The following CD82 variants were observed in gnomAD, a reference collection of about 807,000 sequenced individuals.
CD82 encodes CD82 antigen.
In CD82, 36 loss-of-function variants were observed where a neutral mutation model predicts 37.4. The ratio of observed to expected loss-of-function variants is 0.96; its 90% confidence interval spans 0.74 to 1.27. CD82 has a LOEUF of 1.27. Ranked by LOEUF, CD82 falls within the 50% of genes most tolerant of loss-of-function variation. The probability of loss-of-function intolerance (pLI) is 0.00; values close to 1 mark genes in which losing one functional copy is unlikely to be tolerated. For synonymous variants in CD82, 158 were observed against 137.4 expected, an observed-to-expected ratio of 1.15 and a Z score of -1.05; for missense variants, 340 against 347.0, an observed-to-expected ratio of 0.98 and a Z score of 0.16.
chr11:44,603,517 C>T (rs1387384617), intron 4 of CD82, among the ~76,000 whole-genome samples: 1 of 152,184 alleles, frequency 6.6e-6, no homozygotes, highest in African/African-American at 2.4e-5. Context: ...ATTAAAAACG[C>T]AGGTCCTTGG....
At chr11:44,575,550 A>G (rs1169780730) in intron 1 of CD82, among the ~76,000 whole-genome samples, 2 of 152,182 alleles carry the variant, frequency 1.3e-5, no homozygotes, top group African/African-American at 4.8e-5. Flanking sequence ...GTACTGCCTG[A>G]GAATGTGCAT....
chr11:44,607,868 A>T (rs909413005), intron 6 of CD82: 3 of 152,176 alleles, frequency 2.0e-5, no homozygotes, highest in African/African-American at 7.2e-5. Flanking sequence ...GCTTAGCCTC[A>T]GAGGTGTCCT....
At chr11:44,572,501 T>G (rs1349454283) in intron 1 of CD82, among the ~76,000 whole-genome samples, 1 of 152,204 alleles carries the variant, frequency 6.6e-6, no homozygotes, top group Non-Finnish European at 1.5e-5. Flanking sequence ...TCATATTTTT[T>G]TCGAAGGAGG....
intron 7 of CD82, among the ~76,000 whole-genome samples, chr11:44,616,398 AT>A (rs1853564859): frequency 6.6e-6 from 1 of 152,146 alleles, no homozygotes; most frequent in African/African-American, 2.4e-5. Context: ...GACTTTGCTA[AT>A]TTTAGCAAAG....
At chr11:44,604,879 GA>G in intron 4 of CD82, 178 bp from the exon 5 acceptor site, 1 of 745,944 alleles carries the variant, frequency 1.3e-6, no homozygotes, top group Non-Finnish European at 2.3e-6. Flanking sequence ...CTGGGGGAGG[GA>G]CACAAGTGGG....
rs2134661783 is a variant in CD82 at position 44,597,600 on chromosome 11, G to A, written c.64-2558G>A. ...CTCTGGGTTCCTCTTGGCAAGCTGA[G>A]GAGCCAGCTGAGTAGTGTGGGGTTT... On this transcript the variant is annotated intron_variant, in intron 3 of 9. Transcript: ENST00000227155. The surrounding 1 kb of genome is among the most constrained non-coding windows in gnomAD (Gnocchi z 4.1). Among the ~76,000 whole-genome samples, 1 of 152,376 alleles carries A rather than the reference G, an allele frequency of 6.6e-6. No individual in the cohort carries two copies. Among genetic ancestry groups the A allele is most frequent in the East Asian group, 1.9e-4 (1 of 5,188 alleles).
In CD82 at chr11:44,618,600, G is replaced by C. The variant is rs776308413; in HGVS notation, c.643-40G>C. On this transcript the variant is annotated intron_variant, in intron 8 of 9. Transcript: ENST00000227155. ...TGGTTCTGCATGGCGGGGTGGGATG[G>C]TGCAGAGCGGGGTGATGTGACCGCA... 2.0e-6 allele frequency: 3 copies of C among 1,536,724 alleles called. No homozygotes were observed. The South Asian group carries it at 3.4e-5, about 17-fold the overall frequency.
At position 44,605,095 on chromosome 11, in the gene CD82, C is replaced by T. The variant is rs2134673723; in HGVS notation, c.174C>T (p.Val58=). The change falls in exon 5 of 10, where the codon GTC becomes GTT. Residue 58 remains valine, a synonymous_variant. Coordinates refer to ENST00000227155, the MANE Select transcript of CD82 (RefSeq NM_002231.4). ...SSSSLRMGAY[V]FIGVGAVTML... ...GCTCGCTTAGGATGGGGGCCTATGT[C>T]TTCATCGGCGTGGGGGCAGTCACTA... The T allele has an allele frequency of 6.2e-7, 1 of 1,614,208 alleles. No homozygotes were observed. The highest frequency in any genetic ancestry group is 1.1e-5 in the South Asian group (1 of 91,084).
intron 4 of CD82, among the ~76,000 whole-genome samples, chr11:44,601,395 C>T (rs919239596): frequency 6.6e-6 from 1 of 152,078 alleles, no homozygotes; most frequent in African/African-American, 2.4e-5. Context: ...CATCCCCTTT[C>T]ACCCTCCATT....
In CD82 at chr11:44,619,738, T is replaced by G. The variant is rs916471602; in HGVS notation, c.*612T>G. ...GAGATCGTGCTACTGCACTCCAGCC[T>G]GGGGGACAGAAAGAGACTCCGTCTC... On this transcript the variant is annotated 3_prime_UTR_variant, in exon 10 of 10. Transcript: ENST00000227155. 2 of 110,356 alleles carry G rather than the reference T, an allele frequency of 1.8e-5. No individual in the cohort carries two copies. Among genetic ancestry groups the G allele is most frequent in the East Asian group, 5.6e-4 (2 of 3,588 alleles). The allele number at this position is 110,356 out of a possible 1,614,324, so 6.8% of individuals were successfully genotyped here.
rs1388714542 is a variant in CD82 at position 44,618,642 on chromosome 11, C to G, written c.645C>G (p.Gly215=). The G allele has an allele frequency of 6.2e-7, 1 of 1,610,798 alleles. No individual in the cohort carries two copies. Among genetic ancestry groups the G allele is most frequent in the Non-Finnish European group, 8.5e-7 (1 of 1,179,500 alleles). Reference sequence around the variant, plus strand: ...GTGACCGCATTCTGCCCTTGCAGGGCTGCATGGAGAAGGTGCAGGCGTGGC... The same window carrying G: ...GTGACCGCATTCTGCCCTTGCAGGGGTGCATGGAGAAGGTGCAGGCGTGGC... ...HPEDWPVYQE[G]CMEKVQAWLQ... The change falls in exon 9 of 10, where the codon GGC becomes GGG. Residue 215 remains glycine, a splice_region_variant and synonymous_variant. Coordinates refer to ENST00000227155, the MANE Select transcript of CD82 (RefSeq NM_002231.4).
rs79095986 is a variant in CD82 at position 44,618,696 on chromosome 11, C to G, written c.699C>G (p.Gly233=). 16 of 1,613,134 alleles carry G rather than the reference C, an allele frequency of 9.9e-6. No homozygotes were observed. The highest frequency in any genetic ancestry group is 1.4e-5 in the Non-Finnish European group (16 of 1,179,742). ...AGGAGAACCTGGGCATCATCCTCGGCGTGGGCGTGGGTGTGGCCATCATCG... is the reference window on the plus strand; with the variant it reads ...AGGAGAACCTGGGCATCATCCTCGGGGTGGGCGTGGGTGTGGCCATCATCG... ...WLQENLGIIL[G]VGVGVAIIEL... Residue 233 remains glycine, a synonymous_variant, in exon 9 of 10, where the codon GGC becomes GGG. Coordinates refer to ENST00000227155, the MANE Select transcript of CD82 (RefSeq NM_002231.4).
chr11:44,604,369 A>G (rs1853357466), intron 4 of CD82: 1 of 155,858 alleles, frequency 6.4e-6, no homozygotes, highest in African/African-American at 2.4e-5. Flanking sequence ...ATATTTTCAA[A>G]TTCCAGCTCA....
At chr11:44,616,512 T>C (rs1467201823) in intron 7 of CD82, among the ~76,000 whole-genome samples, 1 of 152,062 alleles carries the variant, frequency 6.6e-6, no homozygotes, top group Non-Finnish European at 1.5e-5. Flanking sequence ...TGGAAAGTCA[T>C]TGGCTGGTTC....
chr11:44,584,368 C>A (rs1477086522), intron 1 of CD82, among the ~76,000 whole-genome samples: 1 of 152,182 alleles, frequency 6.6e-6, no homozygotes, highest in Non-Finnish European at 1.5e-5. Flanking sequence ...CTCACTGCAA[C>A]CTCTGCTTCC....
At chr11:44,603,846 G>T (rs143255062) in intron 4 of CD82, among the ~76,000 whole-genome samples, 1 of 152,274 alleles carries the variant, frequency 6.6e-6, no homozygotes, top group African/African-American at 2.4e-5. Flanking sequence ...GCCCATTCCT[G>T]TACCTCCTAA....
At chr11:44,593,168 T>C (rs1430987627) in intron 2 of CD82, among the ~76,000 whole-genome samples, 1 of 152,224 alleles carries the variant, frequency 6.6e-6, no homozygotes. Flanking sequence ...TTGTTGATCG[T>C]TAGCATGTCC....
intron 1 of CD82, chr11:44,587,118 A>T (rs1853066757): frequency 3.3e-6 from 1 of 299,352 alleles, no homozygotes; most frequent in Non-Finnish European, 6.7e-6. Flanking sequence ...GATTGTAATG[A>T]GGAGCTGGAG....
chr11:44,565,215 G>A (rs1325061013), upstream of CD82, among the ~76,000 whole-genome samples: 1 of 152,212 alleles, frequency 6.6e-6, no homozygotes, highest in East Asian at 1.9e-4. Context: ...GCGGGGAGGG[G>A]CGTGGCCTCA....
Sources: allele counts gnomAD v4.1 joint callset (sites outside exome capture counted in the v4.1 genomes callset), GRCh38; gene constraint gnomAD v4.1.1; non-coding constraint Gnocchi (gnomAD v3.1); transcripts MANE v1.5; gene names NCBI Gene and HGNC (gene_info 2026-07-23, HGNC 2026-07-21).